MED12L: variants seen among roughly 807,000 people sequenced by gnomAD.
MED12L encodes the protein mediator complex subunit 12L.
MED12L carries 60 observed loss-of-function variants against 281.3 expected under a neutral mutation model. That is an observed-to-expected ratio of 0.21 (90% confidence interval 0.17 to 0.26). The LOEUF (loss-of-function observed/expected upper bound fraction) is 0.26. Among genes scored for constraint, MED12L ranks in the 10% least tolerant of loss-of-function variants. MED12L has a pLI of 1.00. For synonymous variants in MED12L, 974 were observed against 987.2 expected (o/e 0.99, Z 0.25); for missense variants, 2,146 against 2,680.9 (o/e 0.80, Z 4.41).
intron 16 of MED12L, among the ~76,000 whole-genome samples, chr3:151,299,595 C>T (rs554809122): frequency 5.3e-5 from 8 of 151,626 alleles, no homozygotes; most frequent in Admixed American, 2.0e-4. Context: ...TCCAGTGCCT[C>T]GGCCTCCTGA....
chr3:151,317,299 AT>A (rs1748384905), intron 16 of MED12L, among the ~76,000 whole-genome samples: 1 of 152,078 alleles, frequency 6.6e-6, no homozygotes, highest in African/African-American at 2.4e-5. Context: ...ATACACAATG[AT>A]AAGTATTCAA....
intron 16 of MED12L, among the ~76,000 whole-genome samples, chr3:151,314,109 C>A (rs1747918884): frequency 6.6e-6 from 1 of 152,048 alleles, no homozygotes; most frequent in South Asian, 2.1e-4. Flanking sequence ...TGATGGAAAT[C>A]ATTAGAAATT....
At chr3:151,404,239 C>G (rs1716031360) in intron 39 of MED12L, among the ~76,000 whole-genome samples, 3 of 152,182 alleles carry the variant, frequency 2.0e-5, no homozygotes, top group Middle Eastern at 6.8e-3. Flanking sequence ...TAATATTCTG[C>G]TTTCTTAGGA....
chr3:151,257,723 G>T (rs2149482161), intron 16 of MED12L, among the ~76,000 whole-genome samples: 1 of 152,278 alleles, frequency 6.6e-6, no homozygotes, highest in South Asian at 2.1e-4. Flanking sequence ...ACATGCTTTT[G>T]AAATTCAGTG....
intron 43 of MED12L, among the ~76,000 whole-genome samples, chr3:151,426,160 A>ATC (rs775147463): frequency 6.6e-6 from 1 of 152,214 alleles, no homozygotes; most frequent in African/African-American, 2.4e-5. Flanking sequence ...TGATTCCAAA[A>ATC]TCTCACCAGG....
At chr3:151,230,142 GT>G (rs891740905) in intron 16 of MED12L, among the ~76,000 whole-genome samples, 2 of 151,980 alleles carry the variant, frequency 1.3e-5, no homozygotes, top group African/African-American at 4.8e-5. Flanking sequence ...GCTAATTTTT[GT>G]TTTTGCATTT....
chr3:151,152,851 G>A (rs959196785), intron 5 of MED12L, among the ~76,000 whole-genome samples: 6 of 152,102 alleles, frequency 3.9e-5, no homozygotes, highest in African/African-American at 1.4e-4. Flanking sequence ...TACCTCTCTG[G>A]TGGTGTAACA....
chr3:151,198,155 T>C (rs1471579238), intron 16 of MED12L: 2 of 267,692 alleles, frequency 7.5e-6, no homozygotes, highest in Non-Finnish European at 1.4e-5. Context: ...CTCTTTTGGA[T>C]TTCAAGGATA....
Position 151,165,910 on chromosome 3 carries a change from T to G in MED12L, c.1422T>G (p.Thr474=), listed in dbSNP as rs1264887225. The change falls in exon 11 of 45, where the codon ACT becomes ACG. Residue 474 remains threonine, a synonymous_variant. Transcript: ENST00000687756. The stretch of plus-strand genomic sequence containing the variant: ...TGGATCGTCACTGTTTTGACCGAAC[T>G]GATTCCAGCAATTCCATGGAGACAC... ...EVLDRHCFDR[T]DSSNSMETLY... 1 of 1,614,074 alleles carries G rather than the reference T, an allele frequency of 6.2e-7. No individual in the cohort carries two copies.
intron 8 of MED12L, 119 bp downstream of exon 8, chr3:151,160,220 A>G: frequency 1.1e-6 from 1 of 925,118 alleles, no homozygotes; most frequent in Non-Finnish European, 1.6e-6. Flanking sequence ...TCCTCACCCA[A>G]GTAATTTATT....
rs1282574355 is a variant in MED12L, at chr3:151,433,957, T to A, written c.*1153T>A. ...TAACTATTTTAACTTTGTTCAAGTA[T>A]GTGGTAATTTGCTCCTATTAGAGTA... On this transcript the variant is annotated 3_prime_UTR_variant, in exon 45 of 45. Transcript: ENST00000687756. 6.6e-6 allele frequency: 1 copy of A among 152,650 alleles called. No individual in the cohort carries two copies. The highest frequency in any genetic ancestry group is 1.5e-5 in the Non-Finnish European group (1 of 68,030). 9.5% of individuals were successfully genotyped at this position (152,650 alleles called of 1,614,324 possible). A position where few individuals can be genotyped will look rare whatever the true frequency, so the allele number is the denominator to read the frequency against.
chr3:151,279,220 T>C (rs929592081), intron 16 of MED12L, among the ~76,000 whole-genome samples: 1 of 152,252 alleles, frequency 6.6e-6, no homozygotes, highest in African/African-American at 2.4e-5. Flanking sequence ...ATTTTAAGTG[T>C]ATTTACTTAG....
At chr3:151,189,746 A>T (rs553876574) in intron 13 of MED12L, among the ~76,000 whole-genome samples, 1 of 152,336 alleles carries the variant, frequency 6.6e-6, no homozygotes, top group Non-Finnish European at 1.5e-5. Flanking sequence ...GGTACCAAGG[A>T]TTGAGCTTTG....
At chr3:151,300,470 G>T (rs1745752946) in intron 16 of MED12L, among the ~76,000 whole-genome samples, 3 of 152,160 alleles carry the variant, frequency 2.0e-5, no homozygotes, top group Admixed American at 1.3e-4. Flanking sequence ...CCATATGTAT[G>T]TGCAATGTTG....
At position 151,357,233 on chromosome 3, in the gene MED12L, T is replaced by C; in HGVS notation, c.2682T>C (p.Val894=). 2 of 1,609,936 alleles carry C rather than the reference T, an allele frequency of 1.2e-6. No individual in the cohort carries two copies. Among genetic ancestry groups the C allele is most frequent in the Non-Finnish European group, 1.7e-6 (2 of 1,178,198 alleles). ...TACAGTTACTAAATGAACTGAGTGT[T>C]GTGGAAGCTGAACTGCTCCTAAAAT... is the stretch of plus-strand genomic sequence containing the variant. The part of the protein sequence containing the change: ...FAIQLLNELS[V]VEAELLLKSS... Residue 894 remains valine (V), a synonymous_variant, in exon 20 of 45, where the codon GTT becomes GTC. Transcript: ENST00000687756.
intron 38 of MED12L, among the ~76,000 whole-genome samples, chr3:151,392,578 C>T (rs2108239898): frequency 6.6e-6 from 1 of 151,320 alleles, no homozygotes; most frequent in South Asian, 2.1e-4. Context: ...CAAGCACAAT[C>T]TAAAGTTACA....
chr3:151,132,496 C>T (rs980714173), intron 5 of MED12L, among the ~76,000 whole-genome samples: 7 of 152,122 alleles, frequency 4.6e-5, no homozygotes, highest in African/African-American at 1.4e-4. Flanking sequence ...AAGTTACATA[C>T]CTTTGCTTGG....
At chr3:151,179,970 A>G (rs1282564589) in intron 11 of MED12L, among the ~76,000 whole-genome samples, 1 of 152,198 alleles carries the variant, frequency 6.6e-6, no homozygotes, top group African/African-American at 2.4e-5. Flanking sequence ...ATCCTAAGGA[A>G]AGGATGGCAT....
chr3:151,380,293 A>G, intron 32 of MED12L, 69 bp downstream of exon 32: 1 of 1,084,510 alleles, frequency 9.2e-7, no homozygotes, highest in South Asian at 1.4e-5. Context: ...TGCCTTTCAA[A>G]TACTGAGATT....
Sources: allele counts gnomAD v4.1 joint callset (sites outside exome capture counted in the v4.1 genomes callset), GRCh38; gene constraint gnomAD v4.1.1; transcripts MANE v1.5; gene names NCBI Gene and HGNC (gene_info 2026-07-23, HGNC 2026-07-21).